The following EPB41 variants were observed in gnomAD, a reference collection of about 807,000 sequenced individuals.
EPB41 encodes protein 4.1.
EPB41 carries 65 observed loss-of-function variants against 108.0 expected under a neutral mutation model. That is an observed-to-expected ratio of 0.60 (90% CI 0.49 to 0.74). The LOEUF is 0.74. Among genes scored for constraint, EPB41 ranks in the 30% least tolerant of loss-of-function variants. The pLI, the probability that EPB41 is intolerant of heterozygous loss-of-function variation, is 0.00. For missense variants in EPB41, 875 were observed against 1,037.0 expected, an observed-to-expected ratio of 0.84 and a Z score of 2.15; for synonymous variants, 336 against 358.9, an observed-to-expected ratio of 0.94 and a Z score of 0.72.
At chr1:28,916,864 C>T (rs1202114559) in intron 1 of EPB41, among the ~76,000 whole-genome samples, 1 of 151,722 alleles carries the variant, frequency 6.6e-6, no homozygotes, top group Non-Finnish European at 1.5e-5. Context: ...GATCACGGCT[C>T]ACTGCAGCCT....
chr1:29,031,261 A>G (rs546686005), intron 8 of EPB41, among the ~76,000 whole-genome samples: 15 of 152,254 alleles, frequency 9.9e-5, no homozygotes, highest in Non-Finnish European at 1.8e-4. Flanking sequence ...TGATTTTCCT[A>G]ACATGCAGTA....
intron 1 of EPB41, chr1:28,902,364 C>T (rs527929378): frequency 1.7e-5 from 17 of 985,276 alleles, no homozygotes; most frequent in African/African-American, 1.4e-4. Context: ...CTGTTGGGTC[C>T]GCAATGGTTA....
intron 17 of EPB41, among the ~76,000 whole-genome samples, chr1:29,098,672 C>T (rs1664121424): frequency 6.6e-6 from 1 of 152,098 alleles, no homozygotes; most frequent in Non-Finnish European, 1.5e-5. Flanking sequence ...TATCTCTGAG[C>T]CTTGATCTCC....
intron 1 of EPB41, among the ~76,000 whole-genome samples, chr1:28,903,970 G>T (rs2091543345): frequency 1.3e-5 from 2 of 151,860 alleles, no homozygotes; most frequent in African/African-American, 2.4e-5. Context: ...GGGTTCAAGC[G>T]ATTCTCCTGC....
chr1:28,979,811 A>T (rs139696334), intron 1 of EPB41, among the ~76,000 whole-genome samples: 8 of 152,290 alleles, frequency 5.3e-5, no homozygotes, highest in African/African-American at 1.9e-4. Flanking sequence ...TGACTGGAAA[A>T]AGTGAAACAC....
chr1:29,029,761 A>G (rs2096765495), intron 7 of EPB41, among the ~76,000 whole-genome samples: 1 of 152,218 alleles, frequency 6.6e-6, no homozygotes, highest in Non-Finnish European at 1.5e-5. Flanking sequence ...TAATGAAGAC[A>G]TATTAATAAC....
chr1:29,048,770 T>A (rs1643978068), intron 11 of EPB41, among the ~76,000 whole-genome samples: 1 of 152,220 alleles, frequency 6.6e-6, no homozygotes, highest in Admixed American at 6.5e-5. Flanking sequence ...GAGCACTTAG[T>A]ATGTTCCAGG....
rs574041462 is a variant in EPB41, at chr1:29,118,410, G to A, written c.*1598G>A. ...GTGAGCCACCACGCCCGGCCGATTT[G>A]GGGCATTTTTATTTAACAGAACTTC... On this transcript the variant is annotated 3_prime_UTR_variant, in exon 21 of 21. Coordinates refer to ENST00000343067, the MANE Select transcript of EPB41 (RefSeq NM_001376013.1). The A allele has an allele frequency of 6.6e-6, 1 of 152,228 alleles. No individual in the cohort carries two copies. The highest frequency in any genetic ancestry group is 1.9e-4 in the East Asian group (1 of 5,180). 9.4% of individuals were successfully genotyped at this position (152,228 alleles called of 1,614,324 possible).
At position 28,887,546 on chromosome 1, in the gene EPB41, G is replaced by C; in HGVS notation, c.-8+336G>C. 1 of 985,238 alleles carries C rather than the reference G, an allele frequency of 1.0e-6. No homozygotes were observed. The highest frequency in any genetic ancestry group is 4.7e-5 in the South Asian group (1 of 21,286). 61.0% of individuals were successfully genotyped at this position (985,238 alleles called of 1,614,324 possible). ...ATTCGGTGTCCGCGGGAGAGTCCCT[G>C]CAGGTCGGCGCAGCCCCCGGCCGCC... On this transcript the variant is annotated intron_variant, in intron 1 of 16. Coordinates refer to the EPB41 transcript ENST00000347529. This position sits in a 1 kb window ranked among gnomAD's most constrained non-coding sequence, Gnocchi z 4.9.
chr1:28,982,737 C>T (rs1461492501), intron 1 of EPB41: 3 of 494,618 alleles, frequency 6.1e-6, no homozygotes, highest in African/African-American at 2.0e-5. Flanking sequence ...TTTATGAATA[C>T]ACCTTGTCTG....
chr1:28,901,767 C>A (rs1184165945), intron 1 of EPB41, among the ~76,000 whole-genome samples: 2 of 152,134 alleles, frequency 1.3e-5, no homozygotes, highest in Non-Finnish European at 2.9e-5. Flanking sequence ...CTCCTGACCT[C>A]TGGTGATCCA....
intron 12 of EPB41, chr1:29,053,645 C>T (rs979274798): frequency 3.3e-5 from 8 of 239,896 alleles, no homozygotes; most frequent in East Asian, 2.2e-4. Context: ...CTGCAAACTC[C>T]GCCTCGTGGG....
intron 1 of EPB41, among the ~76,000 whole-genome samples, chr1:28,888,863 G>T (rs1039524958): frequency 5.3e-5 from 8 of 152,282 alleles, no homozygotes; most frequent in Non-Finnish European, 1.0e-4. Flanking sequence ...TCCTGACCTC[G>T]TGATCCACCC....
At chr1:28,921,049 G>T (rs1424180892) in intron 1 of EPB41, among the ~76,000 whole-genome samples, 1 of 152,174 alleles carries the variant, frequency 6.6e-6, no homozygotes, top group Non-Finnish European at 1.5e-5. Context: ...GACTACAGGT[G>T]TGTGCCATCA....
chr1:29,094,746 T>C (rs1662587579), intron 16 of EPB41, among the ~76,000 whole-genome samples: 2 of 152,210 alleles, frequency 1.3e-5, no homozygotes, highest in Non-Finnish European at 2.9e-5. Flanking sequence ...AGCACCTTTC[T>C]TTTAACTTTA....
chr1:29,104,022 G>A (rs143553630), intron 17 of EPB41, among the ~76,000 whole-genome samples: 167 of 152,260 alleles, frequency 1.1e-3, no homozygotes, highest in African/African-American at 3.9e-3. Flanking sequence ...GAAGAGTGTT[G>A]ACTTTCGAGT....
chr1:28,894,419 C>T (rs1015040589), intron 1 of EPB41, among the ~76,000 whole-genome samples: 1 of 152,156 alleles, frequency 6.6e-6, no homozygotes, highest in African/African-American at 2.4e-5. Context: ...TGTGAATTCC[C>T]TATTTGCTCA....
chr1:28,945,818 A>G (rs538605236), intron 1 of EPB41, among the ~76,000 whole-genome samples: 31 of 152,326 alleles, frequency 2.0e-4, no homozygotes, highest in African/African-American at 7.2e-4. Context: ...CAGTGATACA[A>G]AATTCTGTTG....
chr1:28,976,344 C>T (rs1196662364), intron 1 of EPB41, among the ~76,000 whole-genome samples: 1 of 151,990 alleles, frequency 6.6e-6, no homozygotes, highest in Non-Finnish European at 1.5e-5. Flanking sequence ...ATTATTGTTA[C>T]TGTTGGAATC....
Sources: gnomAD v4.1 joint callset for allele counts (sites outside exome capture counted in the v4.1 genomes callset) on GRCh38, gnomAD v4.1.1 for gene constraint, Gnocchi (gnomAD v3.1) non-coding constraint, MANE v1.5 for transcripts, NCBI Gene and HGNC (gene_info 2026-07-23, HGNC 2026-07-21) for gene names.